The following ARHGAP28 variants were observed in gnomAD, a reference collection of about 807,000 sequenced individuals.
ARHGAP28 encodes rho GTPase-activating protein 28.
A neutral mutation model predicts 90.7 loss-of-function variants in ARHGAP28; 56 were observed. The ratio of observed to expected loss-of-function variants is 0.62; its 90% CI spans 0.50 to 0.77. The LOEUF (loss-of-function observed/expected upper bound fraction) is 0.77. Among genes scored for constraint, ARHGAP28 ranks in the 30% least tolerant of loss-of-function variants. ARHGAP28 has a pLI of 0.00. For synonymous variants in ARHGAP28, 308 were observed against 323.3 expected, an observed-to-expected ratio of 0.95 and a Z score of 0.51; for missense variants, 869 against 900.9, an observed-to-expected ratio of 0.96 and a Z score of 0.45.
chr18:6,797,676 T>A (rs2056451050), intron 1 of ARHGAP28, among the ~76,000 whole-genome samples: 1 of 152,118 alleles, frequency 6.6e-6, no homozygotes, highest in South Asian at 2.1e-4. Flanking sequence ...TTTTTTTTTT[T>A]TTTAAGTCGC....
chr18:6,859,927 G>C, intron 5 of ARHGAP28, 30 bp downstream of exon 5: 2 of 1,593,520 alleles, frequency 1.3e-6, no homozygotes, highest in Non-Finnish European at 1.7e-6. Flanking sequence ...ACAGTTACAT[G>C]TCAAGGTACA....
rs1317960874 is a variant in ARHGAP28, at chr18:6,915,442, AAT to A, written c.*3291_*3292del. ...TTAACTGTTTTCCACAAATAAAAAT[AAT>A]ATGTCATGGGATTAAAATGTTTGTT... On this transcript the variant is annotated 3_prime_UTR_variant, in exon 18 of 18. Coordinates refer to ENST00000383472, the MANE Select transcript of ARHGAP28 (RefSeq NM_001366230.1). The A allele has an allele frequency of 6.6e-6, 1 of 152,226 alleles. No homozygotes were observed. The highest frequency in any genetic ancestry group is 1.5e-5 in the Non-Finnish European group (1 of 68,036). 9.4% of individuals were successfully genotyped at this position (152,226 alleles called of 1,614,324 possible).
chr18:6,817,332 CAAA>C (rs34524960), intron 1 of ARHGAP28, among the ~76,000 whole-genome samples: 2 of 147,880 alleles, frequency 1.4e-5, no homozygotes, highest in Admixed American at 6.7e-5. Flanking sequence ...AACAAACAAA[CAAA>C]AAAAAAACAA....
chr18:6,792,934 TC>T (rs1169619558), intron 1 of ARHGAP28, among the ~76,000 whole-genome samples: 1 of 152,164 alleles, frequency 6.6e-6, no homozygotes, highest in East Asian at 1.9e-4. Flanking sequence ...TAAAGCTACT[TC>T]CAGTATGATG....
chr18:6,824,584 T>C (rs2056648467), intron 1 of ARHGAP28, among the ~76,000 whole-genome samples, 178 bp from the exon 2 acceptor site: 1 of 152,126 alleles, frequency 6.6e-6, no homozygotes, highest in East Asian at 1.9e-4. Context: ...ATAGAGAATT[T>C]TTTTAAAAGG....
chr18:6,758,667 A>C (rs1174197571), intron 1 of ARHGAP28, among the ~76,000 whole-genome samples: 1 of 152,214 alleles, frequency 6.6e-6, no homozygotes, highest in Non-Finnish European at 1.5e-5. Flanking sequence ...CAGAAGGGAA[A>C]GGGTGAGAAA....
Position 6,894,825 on chromosome 18 carries a change from T to C in ARHGAP28, c.1849-10T>C. ...CTCAACATTACTCCTAAAGACTGTG[T>C]TTCTTTTAGACTGCAAGCCCCAAGA... is the stretch of plus-strand genomic sequence containing the variant. On this transcript the variant is annotated splice_polypyrimidine_tract_variant and intron_variant, in intron 14 of 17. Coordinates refer to ENST00000383472, the MANE Select transcript of ARHGAP28 (RefSeq NM_001366230.1). 6.2e-7 allele frequency: 1 copy of C among 1,613,602 alleles called. No individual in the cohort carries two copies. The highest frequency in any genetic ancestry group is 8.5e-7 in the Non-Finnish European group (1 of 1,179,606).
At chr18:6,742,880 G>C (rs776772105) in intron 1 of ARHGAP28, among the ~76,000 whole-genome samples, 2 of 152,152 alleles carry the variant, frequency 1.3e-5, no homozygotes, top group Non-Finnish European at 2.9e-5. Flanking sequence ...AAAGGCAGCA[G>C]GCTCAGAATG....
intron 9 of ARHGAP28, among the ~76,000 whole-genome samples, chr18:6,875,737 TAGTC>T (rs1179135205): frequency 6.6e-6 from 1 of 152,192 alleles, no homozygotes; most frequent in Non-Finnish European, 1.5e-5. Flanking sequence ...TATAGTTTCT[TAGTC>T]AGAGTGATTG....
rs142877086 is a variant in ARHGAP28, at chr18:6,814,932, G to C, written c.123-9830G>C. On this transcript the variant is annotated intron_variant, in intron 1 of 17. Transcript: ENST00000383472. ...GAATGTTAGTAAAGAGCCAGAAAAA[G>C]CTTCTTTTTGCTCATATTCTCTTTC... 3.3e-5 allele frequency among the ~76,000 whole-genome samples: 5 copies of C among 152,182 alleles called. No homozygotes were observed. The East Asian group carries it at 9.7e-4, about 29-fold the overall frequency.
chr18:6,829,916 C>T (rs1164647343), intron 2 of ARHGAP28, among the ~76,000 whole-genome samples: 2 of 152,212 alleles, frequency 1.3e-5, no homozygotes, highest in Non-Finnish European at 2.9e-5. Context: ...CTGGGCCATG[C>T]TCTCCTGGAA....
chr18:6,850,412 G>A (rs899744330), intron 3 of ARHGAP28, among the ~76,000 whole-genome samples: 1 of 152,186 alleles, frequency 6.6e-6, no homozygotes, highest in Non-Finnish European at 1.5e-5. Flanking sequence ...ATCAGACTTA[G>A]ACAATTAGAG....
rs1290429508 is a variant in ARHGAP28, at chr18:6,819,223, A to G, written c.123-5539A>G. On this transcript the variant is annotated intron_variant, in intron 1 of 17. Transcript: ENST00000383472. Reference sequence around the variant, plus strand: ...TGTGCATAAACAAATGCAACTTTTTAAAAATATCTGTTATGTTTACAATGT... The same window carrying G: ...TGTGCATAAACAAATGCAACTTTTTGAAAATATCTGTTATGTTTACAATGT... Among the ~76,000 whole-genome samples the G allele has an allele frequency of 4.9e-4, 75 of 152,248 alleles. 1 individual carries two copies. The highest frequency in any genetic ancestry group is 4.9e-3 in the Admixed American group (75 of 15,274).
intron 1 of ARHGAP28, among the ~76,000 whole-genome samples, chr18:6,785,940 T>G (rs1031556156): frequency 6.6e-6 from 1 of 152,240 alleles, no homozygotes; most frequent in Non-Finnish European, 1.5e-5. Context: ...TTTTGTTACA[T>G]GTATGAGGTA....
chr18:6,737,755 A>G (rs550295532), intron 1 of ARHGAP28, among the ~76,000 whole-genome samples: 55 of 152,340 alleles, frequency 3.6e-4, no homozygotes, highest in Admixed American at 1.7e-3. Context: ...ACAAAATACT[A>G]AAGTGTACAA....
intron 3 of ARHGAP28, among the ~76,000 whole-genome samples, chr18:6,842,203 A>T (rs2056832820): frequency 6.6e-6 from 1 of 152,106 alleles, no homozygotes; most frequent in Non-Finnish European, 1.5e-5. Context: ...ATTTTTTTAA[A>T]TTAGCCAGTT....
At chr18:6,804,589 T>C (rs1423093440) in intron 1 of ARHGAP28, among the ~76,000 whole-genome samples, 1 of 152,212 alleles carries the variant, frequency 6.6e-6, no homozygotes, top group East Asian at 1.9e-4. Flanking sequence ...TTTAGCAATG[T>C]CCCACAAATT....
intron 1 of ARHGAP28, among the ~76,000 whole-genome samples, chr18:6,751,482 T>G (rs2056068823): frequency 6.6e-6 from 1 of 152,236 alleles, no homozygotes; most frequent in Admixed American, 6.5e-5. Context: ...CATCTTAATT[T>G]AGGGCTCAGT....
At chr18:6,874,137 A>G (rs2057112722) in intron 9 of ARHGAP28, among the ~76,000 whole-genome samples, 1 of 152,216 alleles carries the variant, frequency 6.6e-6, no homozygotes, top group East Asian at 1.9e-4. Flanking sequence ...TTCTATCTAG[A>G]TAAAGATGAC....
Sources: gnomAD v4.1 joint callset for allele counts (sites outside exome capture counted in the v4.1 genomes callset) on GRCh38, gnomAD v4.1.1 for gene constraint, MANE v1.5 for transcripts, NCBI Gene and HGNC (gene_info 2026-07-23, HGNC 2026-07-21) for gene names.